IMMP2L: variants seen among roughly 807,000 people sequenced by gnomAD.
IMMP2L encodes inner mitochondrial membrane peptidase subunit 2.
In IMMP2L, 18 loss-of-function variants were observed where a neutral mutation model predicts 19.3. The observed-to-expected ratio is 0.93, with a 90% CI of 0.64 to 1.38. The LOEUF is 1.38. Among genes scored for constraint, IMMP2L ranks in the 40% most tolerant of loss-of-function variants. The pLI is 0.00. For synonymous variants in IMMP2L, 76 were observed against 73.0 expected (o/e 1.04, Z -0.21); for missense variants, 233 against 218.2 (o/e 1.07, Z -0.43).
At chr7:111,465,478 T>C (rs367986841) in intron 3 of IMMP2L, among the ~76,000 whole-genome samples, 1 of 133,626 alleles carries the variant, frequency 7.5e-6, no homozygotes, top group South Asian at 2.3e-4. Flanking sequence ...GGAGGGGTAG[T>C]AGTGTTTGAG....
At chr7:111,114,821 T>A (rs560545510) in intron 3 of IMMP2L, among the ~76,000 whole-genome samples, 1 of 152,044 alleles carries the variant, frequency 6.6e-6, no homozygotes, top group African/African-American at 2.4e-5. Context: ...CTACAAAAAT[T>A]ATATAATAAT....
intron 3 of IMMP2L, among the ~76,000 whole-genome samples, chr7:111,048,012 G>C (rs2129572191): frequency 6.6e-6 from 1 of 152,088 alleles, no homozygotes; most frequent in South Asian, 2.1e-4. Flanking sequence ...GGCCGAGGCA[G>C]GCAGATCACA....
intron 3 of IMMP2L, among the ~76,000 whole-genome samples, chr7:110,977,076 C>G (rs952943835): frequency 3.9e-5 from 6 of 151,962 alleles, no homozygotes; most frequent in African/African-American, 1.4e-4. Context: ...AAATGACAGA[C>G]AAACTGTGAT....
intron 1 of IMMP2L, among the ~76,000 whole-genome samples, chr7:111,524,456 T>C (rs1846644503): frequency 6.6e-6 from 1 of 151,948 alleles, no homozygotes; most frequent in Non-Finnish European, 1.5e-5. Context: ...TACACTTATG[T>C]TTAAGTCATA....
At chr7:111,405,271 C>T (rs1056344468) in intron 3 of IMMP2L, among the ~76,000 whole-genome samples, 10 of 152,010 alleles carry the variant, frequency 6.6e-5, no homozygotes, top group African/African-American at 2.4e-4. Context: ...AACTCTCTTT[C>T]TCTGCTTTTA....
chr7:111,472,888 G>A (rs1841389659), intron 3 of IMMP2L, among the ~76,000 whole-genome samples: 1 of 151,434 alleles, frequency 6.6e-6, no homozygotes, highest in Admixed American at 6.6e-5. Flanking sequence ...TTGAGGCCAG[G>A]ATTTCAAGAC....
intron 3 of IMMP2L, among the ~76,000 whole-genome samples, chr7:110,988,176 A>G (rs1487543969): frequency 6.6e-6 from 1 of 152,210 alleles, no homozygotes; most frequent in African/African-American, 2.4e-5. Flanking sequence ...CTCAAATCCA[A>G]TCAAAGTTCA....
chr7:111,219,931 T>G (rs1812340211), intron 3 of IMMP2L, among the ~76,000 whole-genome samples: 1 of 152,024 alleles, frequency 6.6e-6, no homozygotes, highest in African/African-American at 2.4e-5. Flanking sequence ...TTTAACTTCT[T>G]TTATCAGAAG....
At chr7:110,939,457 T>C (rs80114081) in intron 4 of IMMP2L, among the ~76,000 whole-genome samples, 1 of 147,882 alleles carries the variant, frequency 6.8e-6, no homozygotes, top group African/African-American at 2.5e-5. Context: ...AAAAAAAAAG[T>C]AATAAGATTT....
chr7:110,906,624 G>T (rs1006601035), intron 4 of IMMP2L, among the ~76,000 whole-genome samples: 17 of 151,948 alleles, frequency 1.1e-4, no homozygotes, highest in Non-Finnish European at 2.5e-4. Flanking sequence ...AATTGCCTAG[G>T]TTTGAATGCC....
At chr7:110,860,115 T>G (rs1172213681) in intron 5 of IMMP2L, among the ~76,000 whole-genome samples, 1 of 152,060 alleles carries the variant, frequency 6.6e-6, no homozygotes, top group Non-Finnish European at 1.5e-5. Flanking sequence ...AATGGTTAGA[T>G]GGTCAGAATA....
intron 3 of IMMP2L, among the ~76,000 whole-genome samples, chr7:111,388,828 G>C (rs1054822176): frequency 1.3e-5 from 2 of 152,014 alleles, no homozygotes; most frequent in Non-Finnish European, 2.9e-5. Context: ...GGAATTCTGG[G>C]AGATACAACT....
chr7:111,479,207 T>C (rs145555723), intron 3 of IMMP2L, among the ~76,000 whole-genome samples: 2 of 152,282 alleles, frequency 1.3e-5, no homozygotes, highest in Non-Finnish European at 2.9e-5. Context: ...CCTGTGTTGC[T>C]TGCAAATTGA....
At position 110,821,070 on chromosome 7, in the gene IMMP2L, T is replaced by G. The variant is rs140603782; in HGVS notation, c.408+65523A>C. 3.2e-3 allele frequency among the ~76,000 whole-genome samples: 480 copies of G among 151,836 alleles called. 2 individuals carry two copies. Among genetic ancestry groups the G allele is most frequent in the African/African-American group, 0.011 (452 of 41,514 alleles). On this transcript the variant is annotated intron_variant, in intron 5 of 5. Coordinates refer to ENST00000405709, the MANE Select transcript of IMMP2L (RefSeq NM_032549.4). ...GTATGCTTTATATACACTAACTCAT[T>G]TAACTCTTCCCAAGAGGTAACTCAT...
At chr7:111,162,587 A>C (rs1290543647) in intron 3 of IMMP2L, among the ~76,000 whole-genome samples, 1 of 151,954 alleles carries the variant, frequency 6.6e-6, no homozygotes, top group Non-Finnish European at 1.5e-5. Context: ...TTTTAACTTT[A>C]CAGAAGGCAT....
chr7:110,838,187 A>AT (rs1229251917), intron 5 of IMMP2L, among the ~76,000 whole-genome samples: 1 of 152,088 alleles, frequency 6.6e-6, no homozygotes, highest in East Asian at 1.9e-4. Flanking sequence ...TTCCTGAAGA[A>AT]TTTTTTAGCA....
intron 3 of IMMP2L, among the ~76,000 whole-genome samples, chr7:111,451,475 C>T (rs1317915359): frequency 6.9e-6 from 1 of 144,870 alleles, no homozygotes; most frequent in Non-Finnish European, 1.5e-5. Flanking sequence ...AAAAACCAAA[C>T]ACTGCATATT....
In IMMP2L at chr7:110,900,956, G is replaced by A. The variant is rs546756184; in HGVS notation, c.306-14261C>T. On this transcript the variant is annotated intron_variant, in intron 4 of 5. Transcript: ENST00000405709. ...CTGAAACCACACTGGCCTTTTCAAT[G>A]TTCCTCCAGACATACCAAGGGCCCT... Among the ~76,000 whole-genome samples the A allele has an allele frequency of 3.9e-4, 59 of 152,048 alleles. 1 individual carries two copies. In the South Asian group the frequency reaches 0.011, roughly 29 times the overall value.
chr7:111,397,846 A>G (rs1833026161), intron 3 of IMMP2L, among the ~76,000 whole-genome samples: 1 of 152,008 alleles, frequency 6.6e-6, no homozygotes, highest in African/African-American at 2.4e-5. Context: ...TTTTTTTGAC[A>G]TATAAGAGAC....
Sources: allele counts gnomAD v4.1 joint callset (sites outside exome capture counted in the v4.1 genomes callset), GRCh38; gene constraint gnomAD v4.1.1; transcripts MANE v1.5; gene names NCBI Gene and HGNC (gene_info 2026-07-23, HGNC 2026-07-21).